DNAH5: variants seen among roughly 807,000 people sequenced by gnomAD.
DNAH5 encodes the protein axonemal beta dynein heavy chain 5.
DNAH5 carries 372 observed loss-of-function variants against 518.2 expected under a neutral mutation model. The ratio of observed to expected loss-of-function variants is 0.72; its 90% CI spans 0.66 to 0.78. DNAH5 has a LOEUF of 0.78. DNAH5 is among the 30% of genes least tolerant of loss of function. DNAH5 has a pLI of 0.00. For synonymous variants in DNAH5, 2,039 were observed against 2,025.9 expected, an observed-to-expected ratio of 1.01 and a Z score of -0.17; for missense variants, 5,523 against 5,687.0, an observed-to-expected ratio of 0.97 and a Z score of 0.93.
Position 13,793,558 on chromosome 5 carries a change from A to G in DNAH5, c.8181T>C (p.Phe2727=). Residue 2727 remains phenylalanine, a synonymous_variant, in exon 49 of 79, where the codon TTT becomes TTC. Transcript: ENST00000265104. ...AAGCTTCAGAGGGCAACGTGCAATT[A>G]AATATAGAGAACTGCCTCTTGAGTC... ...PQRLKRQFSI[F]NCTLPSEASV... 5 of 1,614,090 alleles carry G rather than the reference A, an allele frequency of 3.1e-6. No individual in the cohort carries two copies. Among genetic ancestry groups the G allele is most frequent in the Non-Finnish European group, 4.2e-6 (5 of 1,179,994 alleles).
chr5:13,833,273 T>C (rs1763936120), intron 35 of DNAH5, among the ~76,000 whole-genome samples: 1 of 152,002 alleles, frequency 6.6e-6, no homozygotes, highest in African/African-American at 2.4e-5. Context: ...ATTCCATCTC[T>C]ACTAAAAATA....
intron 21 of DNAH5, 117 bp downstream of exon 21, chr5:13,882,611 T>A: frequency 1.2e-6 from 1 of 843,518 alleles, no homozygotes; most frequent in Non-Finnish European, 1.9e-6. Flanking sequence ...AATTGGCTCA[T>A]AGATTAATAT....
At chr5:13,921,750 A>ACCC (rs70964521) in intron 5 of DNAH5, among the ~76,000 whole-genome samples, 39,988 of 132,980 alleles carry the variant, frequency 0.3, 7,017 homozygotes, top group East Asian at 0.75. Context: ...GCCCACACAC[A>ACCC]CCCCCCCACA....
intron 34 of DNAH5, among the ~76,000 whole-genome samples, chr5:13,840,128 C>G (rs1396608059): frequency 6.6e-6 from 1 of 151,952 alleles, no homozygotes; most frequent in Non-Finnish European, 1.5e-5. Flanking sequence ...AGCCTGAGCC[C>G]TTTATTCCTC....
chr5:13,809,950 A>C, intron 45 of DNAH5, 109 bp downstream of exon 45: 11 of 1,137,464 alleles, frequency 9.7e-6, no homozygotes, highest in Non-Finnish European at 1.4e-5. Context: ...CATATCTTAC[A>C]GCCAATAATT....
At chr5:13,735,594 G>A (rs1188996657) in intron 67 of DNAH5, among the ~76,000 whole-genome samples, 2 of 152,106 alleles carry the variant, frequency 1.3e-5, no homozygotes, top group Admixed American at 1.3e-4. Flanking sequence ...AGAAACATAC[G>A]AAGCCAAAGG....
chr5:13,864,348 C>T (rs376232919), intron 28 of DNAH5, 49 bp downstream of exon 28: 3 of 1,608,984 alleles, frequency 1.9e-6, no homozygotes, highest in Non-Finnish European at 1.7e-6. Flanking sequence ...GAAATGTTAT[C>T]AAATAAATCC....
At chr5:14,007,846 AG>A (rs1784823493) in intron 1 of DNAH5, among the ~76,000 whole-genome samples, 1 of 152,200 alleles carries the variant, frequency 6.6e-6, no homozygotes, top group African/African-American at 2.4e-5. Context: ...AGCGTCCTAA[AG>A]GGGAATTTGA....
chr5:13,882,228 C>T (rs1473634886), intron 21 of DNAH5, among the ~76,000 whole-genome samples: 1 of 151,860 alleles, frequency 6.6e-6, no homozygotes, highest in African/African-American at 2.4e-5. Context: ...TTCTACCAAA[C>T]ATTTAAAGAA....
intron 43 of DNAH5, among the ~76,000 whole-genome samples, chr5:13,813,564 A>C (rs985795346): frequency 6.6e-6 from 1 of 151,830 alleles, no homozygotes; most frequent in African/African-American, 2.4e-5. Flanking sequence ...ATTAGTGATT[A>C]CTTTTGCAAA....
At chr5:13,929,385 T>G (rs187996112) in intron 2 of DNAH5, among the ~76,000 whole-genome samples, 2 of 152,366 alleles carry the variant, frequency 1.3e-5, no homozygotes, top group African/African-American at 4.8e-5. Context: ...TTTCTGTTTT[T>G]GTAATAAAAA....
chr5:14,003,404 T>C lies in DNAH5; in HGVS notation c.12+8244A>G, dbSNP rs564651821. Among the ~76,000 whole-genome samples, 103 of 152,254 alleles carry C rather than the reference T, an allele frequency of 6.8e-4. 1 individual carries two copies. The highest frequency in any genetic ancestry group is 1.4e-3 in the Non-Finnish European group (93 of 68,042). ...AGAGATTCACTTATAATGTGAGCAGTACTTTGCCTTCTTTGGTAGGTAAGA... is the reference window on the plus strand; with the variant it reads ...AGAGATTCACTTATAATGTGAGCAGCACTTTGCCTTCTTTGGTAGGTAAGA... On this transcript the variant is annotated intron_variant, in intron 1 of 78. Transcript: ENST00000681290.
Position 13,984,569 on chromosome 5 carries a change from T to C in DNAH5, c.12+27079A>G, listed in dbSNP as rs367747516. Among the ~76,000 whole-genome samples, 6 of 152,288 alleles carry C rather than the reference T, an allele frequency of 3.9e-5. No individual in the cohort carries two copies. In the East Asian group the frequency reaches 1.2e-3, roughly 29 times the overall value. ...GGCCAGAACTTCCAACACTATGTTG[T>C]ATAGGAGTGGTGAGAGAGGGCATCC... On this transcript the variant is annotated intron_variant, in intron 1 of 78. Transcript: ENST00000681290.
chr5:13,883,933 A>G (rs1772013813), intron 19 of DNAH5, among the ~76,000 whole-genome samples: 1 of 152,126 alleles, frequency 6.6e-6, no homozygotes, highest in Admixed American at 6.5e-5. Flanking sequence ...TTTCCTTTAA[A>G]TGTCAATATT....
intron 1 of DNAH5, among the ~76,000 whole-genome samples, chr5:13,992,892 C>G (rs1561056955): frequency 6.6e-6 from 1 of 152,168 alleles, no homozygotes; most frequent in Non-Finnish European, 1.5e-5. Flanking sequence ...CCCTCTTAAA[C>G]CAATCATCAC....
chr5:13,973,748 G>T (rs1013063489), intron 1 of DNAH5, among the ~76,000 whole-genome samples: 1 of 150,254 alleles, frequency 6.7e-6, no homozygotes, highest in Non-Finnish European at 1.5e-5. Context: ...CAAAAAACTT[G>T]GCAAATAGAA....
intron 31 of DNAH5, among the ~76,000 whole-genome samples, chr5:13,845,576 C>G (rs1765870930): frequency 6.6e-6 from 1 of 152,130 alleles, no homozygotes; most frequent in African/African-American, 2.4e-5. Flanking sequence ...TTCCCGATCA[C>G]TGACTTGCTT....
At chr5:13,700,912 T>C (rs1297421857) in intron 77 of DNAH5, 41 bp from the exon 78 acceptor site, 2 of 1,591,676 alleles carry the variant, frequency 1.3e-6, no homozygotes, top group Non-Finnish European at 1.7e-6. Context: ...GGTTAGAGGT[T>C]TGTCTTAATA....
At chr5:13,987,079 T>C (rs1158693582) in intron 1 of DNAH5, among the ~76,000 whole-genome samples, 1 of 152,146 alleles carries the variant, frequency 6.6e-6, no homozygotes, top group Non-Finnish European at 1.5e-5. Context: ...TGGTTTCATG[T>C]GGCCTCATGG....
Sources: gnomAD v4.1 joint callset for allele counts (sites outside exome capture counted in the v4.1 genomes callset) on GRCh38, gnomAD v4.1.1 for gene constraint, MANE v1.5 for transcripts, NCBI Gene and HGNC (gene_info 2026-07-23, HGNC 2026-07-21) for gene names.